Variants in GRM5 observed in about 807,000 individuals in gnomAD.
GRM5 encodes the protein glutamate metabotropic receptor 5.
GRM5 carries 19 observed loss-of-function variants against 83.1 expected under a neutral mutation model. That is an observed-to-expected ratio of 0.23 (90% CI 0.16 to 0.34). GRM5 has a LOEUF of 0.34. GRM5 is among the 10% of genes least tolerant of loss of function. The pLI is 1.00. For synonymous variants in GRM5, 675 were observed against 633.6 expected, an observed-to-expected ratio of 1.07 and a Z score of -0.98; for missense variants, 1,160 against 1,588.3, an observed-to-expected ratio of 0.73 and a Z score of 4.58.
intron 3 of GRM5, among the ~76,000 whole-genome samples, chr11:88,718,457 T>A (rs74900923): frequency 0.013 from 1,923 of 152,092 alleles, 44 homozygotes; most frequent in African/African-American, 0.044. Context: ...GTGTATAACA[T>A]TCACATTTAC....
intron 8 of GRM5, among the ~76,000 whole-genome samples, chr11:88,564,667 C>A (rs548198758): frequency 2.6e-5 from 4 of 152,320 alleles, no homozygotes; most frequent in African/African-American, 9.6e-5. Flanking sequence ...ATTCATTCAA[C>A]AAACATACCA....
At chr11:88,638,211 C>T (rs1023234065) in intron 4 of GRM5, among the ~76,000 whole-genome samples, 18 of 149,642 alleles carry the variant, frequency 1.2e-4, no homozygotes, top group African/African-American at 3.4e-4. Flanking sequence ...TGCTAGATGA[C>T]GAGTTAATGG....
intron 1 of GRM5, among the ~76,000 whole-genome samples, chr11:89,055,931 C>G (rs1565354466): frequency 6.6e-6 from 1 of 151,822 alleles, no homozygotes; most frequent in African/African-American, 2.4e-5. Flanking sequence ...AACTGAGGCT[C>G]AGAGAGATAC....
chr11:88,799,342 T>C (rs1458227735), intron 3 of GRM5, among the ~76,000 whole-genome samples: 3 of 136,664 alleles, frequency 2.2e-5, no homozygotes, highest in Non-Finnish European at 4.6e-5. Flanking sequence ...TCAACAATAG[T>C]TAAGTTAGGG....
At chr11:88,799,397 ATCT>A (rs1307757494) in intron 3 of GRM5, among the ~76,000 whole-genome samples, 1 of 144,406 alleles carries the variant, frequency 6.9e-6, no homozygotes, top group African/African-American at 2.9e-5. Context: ...TTTTGTAACT[ATCT>A]ATATATGTAT....
chr11:88,973,604 C>A (rs999730271), intron 2 of GRM5, among the ~76,000 whole-genome samples: 6 of 152,246 alleles, frequency 3.9e-5, no homozygotes, highest in African/African-American at 7.2e-5. Flanking sequence ...CTGGAGGAGA[C>A]CCCCATCCTG....
At chr11:88,962,232 C>A (rs1274811949) in intron 2 of GRM5, among the ~76,000 whole-genome samples, 1 of 152,098 alleles carries the variant, frequency 6.6e-6, no homozygotes, top group Non-Finnish European at 1.5e-5. Context: ...ACTTATGCAT[C>A]AGTTTATCCA....
chr11:89,055,448 T>C (rs1447566302), intron 1 of GRM5, among the ~76,000 whole-genome samples: 5 of 152,180 alleles, frequency 3.3e-5, no homozygotes, highest in Non-Finnish European at 7.3e-5. Flanking sequence ...TATACTTTCT[T>C]ATAGTATTCA....
chr11:88,946,629 T>C (rs539224815), intron 2 of GRM5, among the ~76,000 whole-genome samples: 1 of 152,056 alleles, frequency 6.6e-6, no homozygotes, highest in African/African-American at 2.4e-5. Flanking sequence ...CCCACTGACA[T>C]AACGATGGCG....
At chr11:88,805,797 C>G (rs1164298179) in intron 3 of GRM5, among the ~76,000 whole-genome samples, 1 of 152,140 alleles carries the variant, frequency 6.6e-6, no homozygotes, top group Non-Finnish European at 1.5e-5. Flanking sequence ...ACCCATCAAT[C>G]TCATGAATAA....
chr11:88,972,501 A>T (rs1939197662), intron 2 of GRM5, among the ~76,000 whole-genome samples: 1 of 152,182 alleles, frequency 6.6e-6, no homozygotes, highest in African/African-American at 2.4e-5. Context: ...ATAAGAATTT[A>T]TGAGATTTTA....
chr11:88,755,589 G>C (rs755270798), intron 3 of GRM5, among the ~76,000 whole-genome samples: 4 of 152,004 alleles, frequency 2.6e-5, no homozygotes, highest in Non-Finnish European at 5.9e-5. Context: ...ATCCACCCCT[G>C]CTAAGACAAA....
intron 3 of GRM5, among the ~76,000 whole-genome samples, chr11:88,746,272 G>A (rs1364675228): frequency 6.6e-6 from 1 of 151,944 alleles, no homozygotes; most frequent in Non-Finnish European, 1.5e-5. Context: ...TTTTTTGTGT[G>A]TTTCCTCTGA....
intron 1 of GRM5, among the ~76,000 whole-genome samples, chr11:89,050,620 T>C (rs1230617765): frequency 6.6e-6 from 1 of 152,200 alleles, no homozygotes; most frequent in Non-Finnish European, 1.5e-5. Context: ...TTACTGGCTA[T>C]ATACCCAAAG....
intron 7 of GRM5, among the ~76,000 whole-genome samples, chr11:88,583,083 G>A (rs1383370320): frequency 6.6e-6 from 1 of 150,698 alleles, no homozygotes; most frequent in Non-Finnish European, 1.5e-5. Flanking sequence ...TCTTCCCCAT[G>A]TTTTTATTTA....
In GRM5 at chr11:88,540,666, C is replaced by T. The variant is rs532358649; in HGVS notation, c.2631-15262G>A. On this transcript the variant is annotated intron_variant, in intron 8 of 9. Transcript: ENST00000305447. ...GACACGGGGAGGAGGGAACTCAAAT[C>T]ACAAGTCTATGACTAGAGATTACCT... Among the ~76,000 whole-genome samples the T allele has an allele frequency of 6.4e-4, 98 of 152,294 alleles. 5 individuals are homozygous for T. The South Asian group carries it at 0.02, about 31-fold the overall frequency.
intron 2 of GRM5, among the ~76,000 whole-genome samples, chr11:88,924,416 A>C (rs661626): frequency 0.92 from 139,649 of 152,084 alleles, 64,380 homozygotes; most frequent in South Asian, 0.97. Flanking sequence ...AGTGTCCATC[A>C]GTGGATAAAT....
intron 2 of GRM5, among the ~76,000 whole-genome samples, chr11:88,957,995 T>A (rs187464084): frequency 2.0e-5 from 3 of 152,150 alleles, no homozygotes. Flanking sequence ...TAGAAACTTA[T>A]ATTTTTTATA....
chr11:89,064,854 T>TTCTCTCTCTCTCTC (rs144985912), intron 1 of GRM5, among the ~76,000 whole-genome samples: 36 of 46,082 alleles, frequency 7.8e-4, no homozygotes, highest in African/African-American at 2.5e-3. Context: ...ATTTTTCATA[T>TTCTCTCTCTCTCTC]TCTCTCTCTC....
Sources: gnomAD v4.1 joint callset for allele counts (sites outside exome capture counted in the v4.1 genomes callset) on GRCh38, gnomAD v4.1.1 for gene constraint, MANE v1.5 for transcripts, NCBI Gene and HGNC (gene_info 2026-07-23, HGNC 2026-07-21) for gene names.